The following NUP50 variants were observed in gnomAD, a reference collection of about 807,000 sequenced individuals.
NUP50 encodes the protein nucleoporin 50, also known as nuclear pore complex protein Nup50.
A neutral mutation model predicts 36.8 loss-of-function variants in NUP50; 14 were observed. That is an observed-to-expected ratio of 0.38 (90% CI 0.25 to 0.59). The LOEUF (loss-of-function observed/expected upper bound fraction) is 0.59, where lower values mean the gene tolerates loss of function less well. Among genes scored for constraint, NUP50 ranks in the 20% least tolerant of loss-of-function variants. The probability of loss-of-function intolerance (pLI) is 0.63; values close to 1 mark genes in which losing one functional copy is unlikely to be tolerated. For missense variants in NUP50, 455 were observed against 564.6 expected (o/e 0.81, Z 1.97); for synonymous variants, 195 against 210.8 (o/e 0.93, Z 0.65).
At chr22:45,167,768 TA>T (rs2074117588) in intron 1 of NUP50, among the ~76,000 whole-genome samples, 2 of 152,374 alleles carry the variant, frequency 1.3e-5, no homozygotes, top group Admixed American at 1.3e-4. Flanking sequence ...ATATTAAAAT[TA>T]TTTTCTTTAT....
chr22:45,182,626 T>TG (rs1383364004), intron 6 of NUP50, among the ~76,000 whole-genome samples: 3 of 135,462 alleles, frequency 2.2e-5, no homozygotes, highest in African/African-American at 5.8e-5. Flanking sequence ...GAGGTTTGTT[T>TG]TTTTTTTTTT....
intron 7 of NUP50, chr22:45,184,029 T>G: frequency 4.7e-6 from 1 of 213,224 alleles, no homozygotes; most frequent in Non-Finnish European, 9.5e-6. Flanking sequence ...GACTAGGGAG[T>G]AATAACATGG....
chr22:45,168,257 G>C lies in NUP50; in HGVS notation c.69+11G>C, dbSNP rs539645157. On this transcript the variant is annotated intron_variant, in intron 2 of 7. Coordinates refer to ENST00000347635, the MANE Select transcript of NUP50 (RefSeq NM_007172.4). ...GATGAAGCTGAAGAGGTAAAAAGCAGCTTCCCTAAGAATGATTTCCTGTTT... is the reference window on the plus strand; with the variant it reads ...GATGAAGCTGAAGAGGTAAAAAGCACCTTCCCTAAGAATGATTTCCTGTTT... The C allele has an allele frequency of 3.8e-6, 6 of 1,596,816 alleles. No homozygotes were observed. The East Asian group carries it at 1.1e-4, about 30-fold the overall frequency.
intron 6 of NUP50, among the ~76,000 whole-genome samples, chr22:45,182,954 CA>C (rs370285778): frequency 3.7e-4 from 52 of 141,286 alleles, no homozygotes; most frequent in African/African-American, 6.2e-4. Context: ...AAATAGGCCA[CA>C]AAAAAAAAAG....
intron 2 of NUP50, among the ~76,000 whole-genome samples, chr22:45,169,478 ATAGT>A (rs1173835106): frequency 2.0e-5 from 3 of 152,142 alleles, no homozygotes; most frequent in Non-Finnish European, 4.4e-5. Flanking sequence ...AATACATAAA[ATAGT>A]TAGAATAAGA....
chr22:45,180,615 C>T (rs1394537395), intron 5 of NUP50, among the ~76,000 whole-genome samples: 1 of 152,124 alleles, frequency 6.6e-6, no homozygotes, highest in Non-Finnish European at 1.5e-5. Context: ...TGGGCTCAAG[C>T]GATCTTCCTG....
In NUP50 at chr22:45,185,309, G is replaced by A. The variant is rs2074452837; in HGVS notation, c.*654G>A. 3.3e-5 allele frequency: 5 copies of A among 152,872 alleles called. No individual in the cohort carries two copies. Among genetic ancestry groups the A allele is most frequent in the Admixed American group, 3.3e-4 (5 of 15,362 alleles). The allele number at this position is 152,872 out of a possible 1,614,324, so 9.5% of individuals were successfully genotyped here. A position where few individuals can be genotyped will look rare whatever the true frequency, so the allele number is the denominator to read the frequency against. On this transcript the variant is annotated 3_prime_UTR_variant, in exon 8 of 8. Coordinates refer to ENST00000347635, the MANE Select transcript of NUP50 (RefSeq NM_007172.4). ...AAAGAAATGAACAGCTTGTGAAGGA[G>A]TTTTTTGGCTTCATAGTTTCTATTC...
rs764410947 is a variant in NUP50 at position 45,171,658 on chromosome 22, C to T, written c.128C>T (p.Ala43Val). The change falls in exon 3 of 8, where the codon GCA (alanine) becomes GTA (valine). Residue 43 changes from alanine to valine, a missense_variant. Transcript: ENST00000347635. ...EVLKNRAIKK[A>V]KRRNVGFESD... Reference sequence around the variant, plus strand: ...TTGAAGAATAGAGCCATAAAGAAAGCAAAGCGCAGAAATGTTGGATTTGAA... The same window carrying T: ...TTGAAGAATAGAGCCATAAAGAAAGTAAAGCGCAGAAATGTTGGATTTGAA... 3.1e-6 allele frequency: 5 copies of T among 1,614,090 alleles called. No individual in the cohort carries two copies. The highest frequency in any genetic ancestry group is 1.7e-5 in the Admixed American group (1 of 60,016).
At chr22:45,167,970 C>T (rs575314109) in intron 1 of NUP50, among the ~76,000 whole-genome samples, 198 bp from the exon 2 acceptor site, 6 of 152,206 alleles carry the variant, frequency 3.9e-5, no homozygotes, top group Admixed American at 3.3e-4. Context: ...CTGGAAAAAG[C>T]CTTTATTGAT....
intron 1 of NUP50, 27 bp from the exon 2 acceptor site, chr22:45,168,137 AAAAT>A (rs762295720): frequency 6.7e-7 from 1 of 1,499,670 alleles, no homozygotes; most frequent in South Asian, 1.2e-5. Context: ...TTCTTCTAGA[AAAAT>A]AAACTCTTCT....
chr22:45,185,525 C>T lies in NUP50; in HGVS notation c.*870C>T, dbSNP rs191291915. Reference sequence around the variant, plus strand: ...CATAGGCATTTGTACCATGATCAACCCCACGCACATGAAAACTGTGACCAA... The same window carrying T: ...CATAGGCATTTGTACCATGATCAACTCCACGCACATGAAAACTGTGACCAA... On this transcript the variant is annotated 3_prime_UTR_variant, in exon 8 of 8. Transcript: ENST00000347635. 1.3e-5 allele frequency: 2 copies of T among 151,934 alleles called. No homozygotes were observed. Among genetic ancestry groups the T allele is most frequent in the Admixed American group, 1.3e-4 (2 of 15,242 alleles). 9.4% of individuals were successfully genotyped at this position (151,934 alleles called of 1,614,324 possible).
At chr22:45,165,787 A>T (rs1040089103) in intron 1 of NUP50, 1 of 152,220 alleles carries the variant, frequency 6.6e-6, no homozygotes, top group Admixed American at 6.5e-5. Context: ...TAATTTATTA[A>T]GCCCTTCCTC....
intron 1 of NUP50, among the ~76,000 whole-genome samples, chr22:45,166,640 A>G (rs529260694): frequency 2.0e-5 from 3 of 150,962 alleles, no homozygotes; most frequent in South Asian, 4.2e-4. Context: ...TACTTCTCCA[A>G]CCCTCTGGTG....
At chr22:45,181,655 T>C (rs927636435) in intron 6 of NUP50, among the ~76,000 whole-genome samples, 6 of 152,074 alleles carry the variant, frequency 3.9e-5, no homozygotes, top group Non-Finnish European at 8.8e-5. Context: ...CCCATCCCAT[T>C]CCATCCCGTC....
chr22:45,186,716 T>G lies in NUP50; in HGVS notation c.*2061T>G, dbSNP rs1322378488. On this transcript the variant is annotated 3_prime_UTR_variant, in exon 8 of 8. Coordinates refer to ENST00000347635, the MANE Select transcript of NUP50 (RefSeq NM_007172.4). ...CCTAACATTCCCAGCAAATTTTTGC[T>G]GCTAAGACTATCACTGTTAAAGTGA... 1 of 152,682 alleles carries G rather than the reference T, an allele frequency of 6.5e-6. No homozygotes were observed. Among genetic ancestry groups the G allele is most frequent in the African/African-American group, 2.4e-5 (1 of 41,468 alleles). The allele number at this position is 152,682 out of a possible 1,614,324, so 9.5% of individuals were successfully genotyped here. A position where few individuals can be genotyped will look rare whatever the true frequency, so the allele number is the denominator to read the frequency against.
At chr22:45,165,185 A>G (rs184939219) in intron 1 of NUP50, among the ~76,000 whole-genome samples, 1 of 152,180 alleles carries the variant, frequency 6.6e-6, no homozygotes, top group Non-Finnish European at 1.5e-5. Context: ...CTTCATACCT[A>G]GAAATCATGT....
intron 3 of NUP50, among the ~76,000 whole-genome samples, chr22:45,172,543 G>A (rs745721806): frequency 2.0e-5 from 3 of 151,990 alleles, no homozygotes; most frequent in African/African-American, 7.3e-5. Flanking sequence ...TCCTGGGAGC[G>A]GAAATACTTA....
rs2083447976 is a variant in NUP50 at position 45,186,436 on chromosome 22, AGG to A, written c.*1784_*1785del. Reference sequence around the variant, plus strand: ...CAGCTTTTAAAAAGATGAAGAACTAAGGGGAACAAATTTAAGTTTGTTGCAAC... The same window carrying A: ...CAGCTTTTAAAAAGATGAAGAACTAAGGAACAAATTTAAGTTTGTTGCAAC... On this transcript the variant is annotated 3_prime_UTR_variant, in exon 8 of 8. Transcript: ENST00000347635. 1 of 152,232 alleles carries A rather than the reference AGG, an allele frequency of 6.6e-6. No individual in the cohort carries two copies. The allele number at this position is 152,232 out of a possible 1,614,324, so 9.4% of individuals were successfully genotyped here.
chr22:45,172,918 T>TTA (rs2074218888), intron 3 of NUP50, among the ~76,000 whole-genome samples: 2 of 152,228 alleles, frequency 1.3e-5, no homozygotes, highest in African/African-American at 4.8e-5. Flanking sequence ...TATAGTGTAA[T>TTA]TCGAGGCAGA....
Sources: gnomAD v4.1 joint callset for allele counts (sites outside exome capture counted in the v4.1 genomes callset) on GRCh38, gnomAD v4.1.1 for gene constraint, MANE v1.5 for transcripts, NCBI Gene and HGNC (gene_info 2026-07-23, HGNC 2026-07-21) for gene names.